Variants in PKD2 observed in about 807,000 individuals in gnomAD.
The protein encoded by PKD2 is polycystin 2, transient receptor potential cation channel.
In PKD2, 48 loss-of-function variants were observed where a neutral mutation model predicts 105.9. The observed-to-expected ratio is 0.45, with a 90% CI of 0.36 to 0.58. PKD2 has a LOEUF of 0.58. Among genes scored for constraint, PKD2 ranks in the 20% least tolerant of loss-of-function variants. PKD2 has a pLI of 0.00. For synonymous variants in PKD2, 464 were observed against 481.1 expected, an observed-to-expected ratio of 0.96 and a Z score of 0.46; for missense variants, 1,078 against 1,255.3, an observed-to-expected ratio of 0.86 and a Z score of 2.13.
At chr4:88,014,397 A>C (rs1057022653) in intron 1 of PKD2, among the ~76,000 whole-genome samples, 14 of 152,020 alleles carry the variant, frequency 9.2e-5, no homozygotes, top group Non-Finnish European at 1.9e-4. Context: ...CACGCCTTTA[A>C]TCCCAGCTGC....
In PKD2 at chr4:88,074,916, A is replaced by C; in HGVS notation, c.2627A>C (p.Lys876Thr). ...GAGATTATGGAGCGAGCCAAACTGA[A>C]GAGGAGGGAGGTGCTGGGAAGGCTG... is the stretch of plus-strand genomic sequence containing the variant. ...KLEIMERAKL[K>T]RREVLGRLLD... Residue 876 changes from lysine to threonine, a missense_variant, in exon 14 of 15, where the codon AAG becomes ACG. By Grantham distance (78) the Lys-to-Thr change is moderately conservative. This residue lies in a region of PKD2 where 868 missense variants were observed against 1,067.3 expected (regional missense o/e 0.81). Transcript: ENST00000237596. 6.2e-7 allele frequency: 1 copy of C among 1,614,174 alleles called. No homozygotes were observed. Among genetic ancestry groups the C allele is most frequent in the Non-Finnish European group, 8.5e-7 (1 of 1,180,016 alleles).
intron 4 of PKD2, among the ~76,000 whole-genome samples, chr4:88,039,664 C>A (rs142617421): frequency 8.5e-3 from 826 of 96,622 alleles, no homozygotes; most frequent in East Asian, 0.018. Flanking sequence ...GACTCCCCCT[C>A]AAAAAAAAAA....
At chr4:88,037,254 A>G (rs1346066266) in intron 3 of PKD2, among the ~76,000 whole-genome samples, 1 of 152,002 alleles carries the variant, frequency 6.6e-6, no homozygotes, top group Non-Finnish European at 1.5e-5. Context: ...CCCCCCCAAA[A>G]AAAAACCCAA....
Position 88,075,758 on chromosome 4 carries a change from C to A in PKD2, c.*64C>A. 8.9e-7 allele frequency: 1 copy of A among 1,122,344 alleles called. No individual in the cohort carries two copies. Among genetic ancestry groups the A allele is most frequent in the Non-Finnish European group, 1.3e-6 (1 of 741,666 alleles). 69.5% of individuals were successfully genotyped at this position (1,122,344 alleles called of 1,614,324 possible). On this transcript the variant is annotated 3_prime_UTR_variant, in exon 15 of 15. Transcript: ENST00000237596. ...AAGTGGCTGTCCTGAATTGCTGTAA[C>A]AAGCACACTATTTATATGCCCTGAC... is the stretch of plus-strand genomic sequence containing the variant.
At chr4:88,036,047 A>G in intron 2 of PKD2, 173 bp from the exon 3 acceptor site, 1 of 937,994 alleles carries the variant, frequency 1.1e-6, no homozygotes, top group Non-Finnish European at 1.7e-6. Flanking sequence ...CCAGAGATAT[A>G]GAGAGATACC....
At chr4:88,070,584 A>AT (rs1560629884) in intron 13 of PKD2, among the ~76,000 whole-genome samples, 2 of 87,194 alleles carry the variant, frequency 2.3e-5, no homozygotes, top group Non-Finnish European at 4.7e-5. Context: ...TTATATATAT[A>AT]TATATATATA....
rs1721204277 is a variant in PKD2 at position 88,075,611 on chromosome 4, A to G, written c.2824A>G (p.Arg942Gly). The G allele has an allele frequency of 2.5e-6, 4 of 1,614,080 alleles. No homozygotes were observed. The highest frequency in any genetic ancestry group is 2.5e-6 in the Non-Finnish European group (3 of 1,180,030). Reference protein sequence around the residue: ...PVGLNGQPRPRSSRPSSSQST... With the variant: ...PVGLNGQPRPGSSRPSSSQST... ...GGGACTAAATGGTCAACCTCGCCCC[A>G]GAAGCTCCCGCCCATCTTCCTCCCA... is the stretch of plus-strand genomic sequence containing the variant. Residue 942 changes from arginine (R) to glycine (G), a missense_variant, in exon 15 of 15, where the codon AGA becomes GGA. Coordinates refer to ENST00000237596, the MANE Select transcript of PKD2 (RefSeq NM_000297.4).
In PKD2 at chr4:88,067,950, G is replaced by C; in HGVS notation, c.2411G>C (p.Ser804Thr). ...SSLPRPMSSR[S>T]FPRSLDDSEE... ...TTACCACGTCCCATGAGCAGCCGAA[G>C]TTTCCCTCGAAGCCTGGATGACTCT... Residue 804 changes from serine (S) to threonine (T), a missense_variant, in exon 13 of 15, where the codon AGT becomes ACT. Physicochemically the swap from Ser to Thr is moderately conservative, Grantham distance 58. This residue lies in a region of PKD2 where 868 missense variants were observed against 1,067.3 expected (regional missense o/e 0.81). Coordinates refer to ENST00000237596, the MANE Select transcript of PKD2 (RefSeq NM_000297.4). The C allele has an allele frequency of 6.2e-7, 1 of 1,614,094 alleles. No individual in the cohort carries two copies. The highest frequency in any genetic ancestry group is 8.5e-7 in the Non-Finnish European group (1 of 1,179,984).
Position 88,008,031 on chromosome 4 carries a change from G to A in PKD2, c.298G>A (p.Glu100Lys), listed in dbSNP as rs1184703285. ...DNPGFEAEEE[E>K]EEVEGEEGGM... The stretch of plus-strand genomic sequence containing the variant: ...CCCCGGCTTCGAGGCCGAGGAGGAG[G>A]AGGAGGAGGTGGAAGGGGAAGAAGG... The change falls in exon 1 of 15, where the codon GAG (glutamate) becomes AAG (lysine). Residue 100 changes from glutamate (E) to lysine (K), a missense_variant. Transcript: ENST00000237596. 6.6e-7 allele frequency: 1 copy of A among 1,522,316 alleles called. No individual in the cohort carries two copies. The highest frequency in any genetic ancestry group is 8.8e-7 in the Non-Finnish European group (1 of 1,139,828). 94.3% of individuals were successfully genotyped at this position (1,522,316 alleles called of 1,614,324 possible).
chr4:88,063,086 G>T (rs1010178850), intron 10 of PKD2, among the ~76,000 whole-genome samples: 4 of 152,226 alleles, frequency 2.6e-5, no homozygotes, highest in Non-Finnish European at 5.9e-5. Context: ...CTGAGTAACA[G>T]ATGTGCAGGC....
chr4:88,075,606 G>A lies in PKD2; in HGVS notation c.2819G>A (p.Arg940His), dbSNP rs756158263. Reference protein sequence around the residue: ...GTPVGLNGQPRPRSSRPSSSQ... With the variant: ...GTPVGLNGQPHPRSSRPSSSQ... ...CCAGTGGGACTAAATGGTCAACCTCGCCCCAGAAGCTCCCGCCCATCTTCC... is the reference window on the plus strand; with the variant it reads ...CCAGTGGGACTAAATGGTCAACCTCACCCCAGAAGCTCCCGCCCATCTTCC... Residue 940 changes from arginine (R) to histidine (H), a missense_variant, in exon 15 of 15, where the codon CGC (arginine) becomes CAC (histidine). Arg to His is a conservative substitution (Grantham distance 29). Coordinates refer to ENST00000237596, the MANE Select transcript of PKD2 (RefSeq NM_000297.4). 2.4e-5 allele frequency: 39 copies of A among 1,614,108 alleles called. 1 individual carries two copies. In the East Asian group the frequency reaches 6.9e-4, roughly 29 times the overall value.
At chr4:88,040,289 C>T (rs773562425) in intron 4 of PKD2, among the ~76,000 whole-genome samples, 40 of 152,264 alleles carry the variant, frequency 2.6e-4, no homozygotes, top group African/African-American at 7.7e-4. Context: ...GGCTTGTCGA[C>T]GCTCTCAGCT....
chr4:88,025,068 A>G (rs2110094504), intron 2 of PKD2, among the ~76,000 whole-genome samples: 1 of 152,030 alleles, frequency 6.6e-6, no homozygotes, highest in East Asian at 2.0e-4. Context: ...TAAACCCGGG[A>G]GGTGGAGGTT....
intron 4 of PKD2, among the ~76,000 whole-genome samples, chr4:88,042,181 C>T (rs1727589000): frequency 6.6e-6 from 1 of 152,154 alleles, no homozygotes; most frequent in African/African-American, 2.4e-5. Context: ...GGGCAATTTA[C>T]CAAAGAAAGA....
chr4:88,061,900 A>G lies in PKD2; in HGVS notation c.2020-6A>G. On this transcript the variant is annotated splice_polypyrimidine_tract_variant and splice_region_variant and intron_variant, in intron 9 of 14. Coordinates refer to ENST00000237596, the MANE Select transcript of PKD2 (RefSeq NM_000297.4). ...TAATTTTTGCCCTCCTTTCATTTACAAACAGAATATGTTTTTGGCTATCAT... is the reference window on the plus strand; with the variant it reads ...TAATTTTTGCCCTCCTTTCATTTACGAACAGAATATGTTTTTGGCTATCAT... 7.1e-7 allele frequency: 1 copy of G among 1,417,660 alleles called. No homozygotes were observed. Among genetic ancestry groups the G allele is most frequent in the Non-Finnish European group, 1.0e-6 (1 of 1,001,170 alleles). The allele number at this position is 1,417,660 out of a possible 1,614,324, so 87.8% of individuals were successfully genotyped here.
intron 1 of PKD2, among the ~76,000 whole-genome samples, chr4:88,015,367 A>G (rs1726524021): frequency 6.6e-6 from 1 of 152,182 alleles, no homozygotes; most frequent in Non-Finnish European, 1.5e-5. Flanking sequence ...TATCATTATA[A>G]TATTCTCTCT....
intron 2 of PKD2, among the ~76,000 whole-genome samples, chr4:88,026,060 G>T (rs963212897): frequency 9.2e-5 from 14 of 152,242 alleles, no homozygotes; most frequent in African/African-American, 3.4e-4. Flanking sequence ...CCAGGAGTGG[G>T]GTACTGCTAT....
intron 4 of PKD2, 132 bp downstream of exon 4, chr4:88,038,633 AT>A: frequency 1.1e-6 from 1 of 944,476 alleles, no homozygotes; most frequent in South Asian, 1.3e-5. Context: ...CAGTGCTTAT[AT>A]TTAAACCTTG....
At chr4:88,062,829 C>T (rs761185645) in intron 10 of PKD2, among the ~76,000 whole-genome samples, 3 of 152,052 alleles carry the variant, frequency 2.0e-5, no homozygotes, top group Non-Finnish European at 2.9e-5. Flanking sequence ...TGGGATGGGA[C>T]CTAAGATTCA....
Sources: allele counts gnomAD v4.1 joint callset (sites outside exome capture counted in the v4.1 genomes callset), GRCh38; gene constraint gnomAD v4.1.1; regional missense constraint gnomAD v4.1.1; transcripts MANE v1.5; gene names NCBI Gene and HGNC (gene_info 2026-07-23, HGNC 2026-07-21).